The following SGSM1 variants were observed in gnomAD, a reference collection of about 807,000 sequenced individuals.
The protein encoded by SGSM1 is small G protein signaling modulator 1.
In SGSM1, 73 loss-of-function variants were observed where a neutral mutation model predicts 133.8. That is an observed-to-expected ratio of 0.55 (90% CI 0.45 to 0.66). The LOEUF (loss-of-function observed/expected upper bound fraction) is 0.66, where lower values mean the gene tolerates loss of function less well. Ranked by LOEUF, SGSM1 falls within the 30% of genes least tolerant of loss-of-function variation. The probability of loss-of-function intolerance (pLI) is 0.00; values close to 1 mark genes in which losing one functional copy is unlikely to be tolerated. For synonymous variants in SGSM1, 563 were observed against 573.0 expected (o/e 0.98, Z 0.25); for missense variants, 1,213 against 1,448.1 (o/e 0.84, Z 2.64).
At chr22:24,843,149 A>G (rs1929902539) in intron 2 of SGSM1, among the ~76,000 whole-genome samples, 1 of 152,212 alleles carries the variant, frequency 6.6e-6, no homozygotes, top group Admixed American at 6.5e-5. Context: ...AAATGAAGCC[A>G]ACTTCTCATG....
chr22:24,844,874 C>T lies in SGSM1; in HGVS notation c.64-23C>T, dbSNP rs370209156. ...CCTTGGTCACCTTGGACCTCTTCCC[C>T]TCCGGTCACCTTTGCCTTCCAGGTG... On this transcript the variant is annotated intron_variant, in intron 2 of 24. Transcript: ENST00000400358. The T allele has an allele frequency of 5.0e-6, 8 of 1,612,722 alleles. No homozygotes were observed. The Admixed American group carries it at 8.3e-5, about 17-fold the overall frequency.
At chr22:24,900,414 T>TCTCTCTTTCTCTCTTTCTC (rs1484572431) in intron 19 of SGSM1, among the ~76,000 whole-genome samples, 4 of 146,150 alleles carry the variant, frequency 2.7e-5, no homozygotes, top group African/African-American at 1.0e-4. Flanking sequence ...TTTCTGTATT[T>TCTCTCTTTCTCTCTTTCTC]TTGAGACAGA....
chr22:24,913,323 G>T (rs911238321), intron 22 of SGSM1, among the ~76,000 whole-genome samples: 1 of 148,114 alleles, frequency 6.8e-6, no homozygotes, highest in Non-Finnish European at 1.5e-5. Context: ...AAGAAAAAAA[G>T]AAGTGCAAAT....
At chr22:24,886,515 C>T (rs1244197036) in intron 15 of SGSM1, 85 bp from the exon 16 acceptor site, 14 of 1,489,066 alleles carry the variant, frequency 9.4e-6, no homozygotes, top group Admixed American at 4.2e-5. Flanking sequence ...ACCAATCTGG[C>T]CAACATGGTG....
rs541456690 is a variant in SGSM1 at position 24,845,115 on chromosome 22, C to T, written c.139+143C>T. 5.3e-6 allele frequency: 4 copies of T among 750,142 alleles called. No homozygotes were observed. The South Asian group carries it at 7.0e-5, about 13-fold the overall frequency. The allele number at this position is 750,142 out of a possible 1,614,324, so 46.5% of individuals were successfully genotyped here. A position where few individuals can be genotyped will look rare whatever the true frequency, so the allele number is the denominator to read the frequency against. ...GACTCGATTGGAGAATTTGAAAATA[C>T]AGAACAGTGTAGAGAAACAATTAAA... On this transcript the variant is annotated intron_variant, in intron 3 of 24. Transcript: ENST00000400358.
At chr22:24,849,247 TAAAA>T (rs377102485) in intron 4 of SGSM1, among the ~76,000 whole-genome samples, 2 of 142,554 alleles carry the variant, frequency 1.4e-5, no homozygotes, top group African/African-American at 5.2e-5. Context: ...AGTATTTTAT[TAAAA>T]AAAAAAAAAA....
chr22:24,836,795 C>T (rs954064869), intron 2 of SGSM1, among the ~76,000 whole-genome samples: 1 of 152,210 alleles, frequency 6.6e-6, no homozygotes, highest in African/African-American at 2.4e-5. Context: ...TGTTGAGTTG[C>T]AGTTCTCCAT....
chr22:24,856,965 T>C (rs139689), intron 8 of SGSM1, among the ~76,000 whole-genome samples: 6,755 of 152,012 alleles, frequency 0.044, 171 homozygotes, highest in African/African-American at 0.059. Flanking sequence ...AGATGGGATT[T>C]CACCATGTTA....
chr22:24,912,126 G>A (rs2123734890), intron 21 of SGSM1, among the ~76,000 whole-genome samples: 1 of 151,422 alleles, frequency 6.6e-6, no homozygotes, highest in Middle Eastern at 3.5e-3. Context: ...AACTGCGACA[G>A]CCAAGAGGAG....
At position 24,814,528 on chromosome 22, in the gene SGSM1, C is replaced by G. The variant is rs1431498401; in HGVS notation, c.63+8044C>G. Among the ~76,000 whole-genome samples, 5 of 150,782 alleles carry G rather than the reference C, an allele frequency of 3.3e-5. No individual in the cohort carries two copies. In the East Asian group the frequency reaches 9.8e-4, roughly 30 times the overall value. On this transcript the variant is annotated intron_variant, in intron 2 of 24. Coordinates refer to ENST00000400358, the MANE Select transcript of SGSM1 (RefSeq NM_001098497.3). The stretch of plus-strand genomic sequence containing the variant: ...AGCAATCCACACAGGGTTCCAAGCT[C>G]CACCGAGAGTGTGGGGTCAGGGAGA...
chr22:24,841,224 T>C (rs915928060), intron 2 of SGSM1, among the ~76,000 whole-genome samples: 16 of 152,266 alleles, frequency 1.1e-4, no homozygotes, highest in Admixed American at 2.0e-4. Context: ...ATTTATTATT[T>C]AAGAGTACAC....
At chr22:24,845,963 T>TTCTC (rs1555924273) in intron 3 of SGSM1, among the ~76,000 whole-genome samples, 8 of 129,684 alleles carry the variant, frequency 6.2e-5, no homozygotes, top group African/African-American at 2.1e-4. Flanking sequence ...CTTTCTTTCT[T>TTCTC]TCTTTCTTTC....
chr22:24,863,695 G>C (rs1296017927), intron 9 of SGSM1, among the ~76,000 whole-genome samples: 1 of 151,998 alleles, frequency 6.6e-6, no homozygotes, highest in Non-Finnish European at 1.5e-5. Flanking sequence ...GCAATGAAAT[G>C]GGGTGGTTTT....
chr22:24,827,468 G>C (rs1309246066), intron 2 of SGSM1, among the ~76,000 whole-genome samples: 2 of 152,076 alleles, frequency 1.3e-5, no homozygotes, highest in Non-Finnish European at 2.9e-5. Flanking sequence ...TCAGAGGCCT[G>C]ACGTGGAGGG....
At chr22:24,907,601 A>G (rs1304866420) in intron 21 of SGSM1, among the ~76,000 whole-genome samples, 1 of 152,014 alleles carries the variant, frequency 6.6e-6, no homozygotes, top group African/African-American at 2.4e-5. Context: ...TGGAAATTCA[A>G]GGGATTTAGA....
Position 24,893,660 on chromosome 22 carries a change from G to T in SGSM1, c.1953+47G>T, listed in dbSNP as rs776730903. On this transcript the variant is annotated intron_variant, in intron 17 of 24. Coordinates refer to ENST00000400358, the MANE Select transcript of SGSM1 (RefSeq NM_001098497.3). ...GGAGCGCGGGGGCTGGGGAAGGTCA[G>T]GGTCTGCTTCATTGGGCTGTTCTAA... is the stretch of plus-strand genomic sequence containing the variant. 3 of 1,497,822 alleles carry T rather than the reference G, an allele frequency of 2.0e-6. No individual in the cohort carries two copies. The South Asian group carries it at 4.1e-5, about 20-fold the overall frequency. 92.8% of individuals were successfully genotyped at this position (1,497,822 alleles called of 1,614,324 possible). A position where few individuals can be genotyped will look rare whatever the true frequency, so the allele number is the denominator to read the frequency against.
chr22:24,898,386 GTGA>G lies in SGSM1; in HGVS notation c.2440_2442del (p.Met814del), dbSNP rs752521974. On this transcript the variant is annotated inframe_deletion, in exon 19 of 25. Transcript: ENST00000400358. ...GGCCCTGCCTGAAAAGGACGATGTT[GTGA>G]TGGAGGGCTGGAGGAGCAGCGAGAC... 6.2e-7 allele frequency: 1 copy of G among 1,613,736 alleles called. No homozygotes were observed. Among genetic ancestry groups the G allele is most frequent in the African/African-American group, 1.3e-5 (1 of 74,882 alleles).
chr22:24,852,537 G>T (rs1464695723), intron 5 of SGSM1, among the ~76,000 whole-genome samples: 1 of 152,086 alleles, frequency 6.6e-6, no homozygotes, highest in South Asian at 2.1e-4. Context: ...TCTGCGTCCC[G>T]TGTTCAAGCG....
intron 2 of SGSM1, among the ~76,000 whole-genome samples, chr22:24,841,032 A>C (rs551476210): frequency 6.6e-6 from 1 of 151,898 alleles, no homozygotes; most frequent in Admixed American, 6.6e-5. Context: ...TTGTATTTTT[A>C]GTAGAGACGG....
Sources: allele counts gnomAD v4.1 joint callset (sites outside exome capture counted in the v4.1 genomes callset), GRCh38; gene constraint gnomAD v4.1.1; transcripts MANE v1.5; gene names NCBI Gene and HGNC (gene_info 2026-07-23, HGNC 2026-07-21).